DSCAM: variants seen among roughly 807,000 people sequenced by gnomAD.
DSCAM encodes cell adhesion molecule DSCAM.
DSCAM carries 47 observed loss-of-function variants against 217.7 expected under a neutral mutation model. The observed-to-expected ratio is 0.22, with a 90% CI of 0.17 to 0.28. The LOEUF (loss-of-function observed/expected upper bound fraction) is 0.28, where lower values mean the gene tolerates loss of function less well. DSCAM is among the 10% of genes least tolerant of loss of function. The pLI, the probability that DSCAM is intolerant of heterozygous loss-of-function variation, is 1.00. For missense variants in DSCAM, 2,080 were observed against 2,618.3 expected, an observed-to-expected ratio of 0.79 and a Z score of 4.49; for synonymous variants, 1,056 against 1,015.3, an observed-to-expected ratio of 1.04 and a Z score of -0.76.
At chr21:40,354,948 G>T (rs1339638502) in intron 4 of DSCAM, among the ~76,000 whole-genome samples, 1 of 149,826 alleles carries the variant, frequency 6.7e-6, no homozygotes, top group African/African-American at 2.5e-5. Flanking sequence ...CATAGCTTTT[G>T]AATTTTAAAA....
intron 3 of DSCAM, among the ~76,000 whole-genome samples, chr21:40,507,316 G>A (rs532752306): frequency 8.6e-5 from 13 of 151,884 alleles, no homozygotes; most frequent in African/African-American, 2.9e-4. Context: ...AAAAACAGCC[G>A]CAACTATTCA....
At chr21:40,292,298 T>C (rs569708515) in intron 10 of DSCAM, among the ~76,000 whole-genome samples, 3 of 151,376 alleles carry the variant, frequency 2.0e-5, no homozygotes, top group African/African-American at 4.9e-5. Context: ...AACTGTTGCA[T>C]CTCTCAAGGA....
chr21:40,763,157 C>G (rs770861889), intron 1 of DSCAM, among the ~76,000 whole-genome samples: 4 of 152,190 alleles, frequency 2.6e-5, no homozygotes, highest in Non-Finnish European at 5.9e-5. Context: ...CAGATTGTCT[C>G]TGTGTGCAGA....
intron 3 of DSCAM, among the ~76,000 whole-genome samples, chr21:40,624,264 C>G (rs1292812366): frequency 1.3e-5 from 2 of 152,116 alleles, no homozygotes; most frequent in African/African-American, 4.8e-5. Context: ...TAAAACATAA[C>G]TGACTCTCAA....
At chr21:40,234,827 T>C (rs1302251897) in intron 11 of DSCAM, among the ~76,000 whole-genome samples, 2 of 152,132 alleles carry the variant, frequency 1.3e-5, no homozygotes, top group Non-Finnish European at 2.9e-5. Context: ...AAAAATATAA[T>C]GTGAGTAAAA....
intron 1 of DSCAM, among the ~76,000 whole-genome samples, chr21:40,717,657 G>C (rs1332084406): frequency 6.6e-6 from 1 of 152,232 alleles, no homozygotes; most frequent in Non-Finnish European, 1.5e-5. Flanking sequence ...TTATGGTTAG[G>C]ACTGGGTAAC....
chr21:40,109,763 A>G (rs1022652633), intron 20 of DSCAM, among the ~76,000 whole-genome samples: 6 of 152,188 alleles, frequency 3.9e-5, no homozygotes, highest in Non-Finnish European at 2.9e-5. Flanking sequence ...GCACACCAGG[A>G]GATTATATCC....
intron 20 of DSCAM, 81 bp downstream of exon 20, chr21:40,124,113 AG>A: frequency 6.4e-7 from 1 of 1,574,318 alleles, no homozygotes; most frequent in South Asian, 1.1e-5. Context: ...TGGGAAACAA[AG>A]GAACGAAACT....
At chr21:40,039,349 G>A (rs1244867970) in intron 32 of DSCAM, among the ~76,000 whole-genome samples, 1 of 150,178 alleles carries the variant, frequency 6.7e-6, no homozygotes, top group Admixed American at 6.7e-5. Context: ...TTTGATTAAA[G>A]CTACTGAAAG....
chr21:40,833,448 C>A (rs776778682), intron 1 of DSCAM, among the ~76,000 whole-genome samples: 2 of 152,118 alleles, frequency 1.3e-5, no homozygotes, highest in South Asian at 2.1e-4. Flanking sequence ...GGCAACCAGG[C>A]GAGAGAAAAT....
chr21:40,018,324 T>G (rs927715350), intron 32 of DSCAM, among the ~76,000 whole-genome samples: 1 of 152,086 alleles, frequency 6.6e-6, no homozygotes, highest in Non-Finnish European at 1.5e-5. Context: ...ATAAACAAAT[T>G]GTTAATTTTA....
intron 3 of DSCAM, among the ~76,000 whole-genome samples, chr21:40,571,193 G>GA (rs530242923): frequency 4.7e-5 from 7 of 150,410 alleles, no homozygotes; most frequent in Non-Finnish European, 1.0e-4. Flanking sequence ...CCTCACAATG[G>GA]AAAAAAAATT....
intron 3 of DSCAM, among the ~76,000 whole-genome samples, chr21:40,632,887 C>T (rs2089711222): frequency 1.3e-5 from 2 of 152,318 alleles, no homozygotes; most frequent in South Asian, 2.1e-4. Flanking sequence ...CACTATGACA[C>T]CACCGATACT....
chr21:40,692,042 C>T (rs193275070), intron 3 of DSCAM, among the ~76,000 whole-genome samples: 1 of 152,360 alleles, frequency 6.6e-6, no homozygotes, highest in East Asian at 1.9e-4. Context: ...AAAAAGGCAA[C>T]TATTTATAAT....
In DSCAM at chr21:40,534,620, GA is replaced by G. The variant is rs377458952; in HGVS notation, c.508+158189del. Among the ~76,000 whole-genome samples the G allele has an allele frequency of 2.4e-3, 367 of 152,172 alleles. 3 individuals are homozygous for G. Among genetic ancestry groups the G allele is most frequent in the African/African-American group, 8.4e-3 (350 of 41,518 alleles). On this transcript the variant is annotated intron_variant, in intron 3 of 32. Coordinates refer to ENST00000400454, the MANE Select transcript of DSCAM (RefSeq NM_001389.5). ...TTTATCACCAAGTGTTCATTTTTAT[GA>G]ACATATTTCTTGAGCTCTGCCTTGA...
chr21:40,449,096 CT>C (rs1177007617), intron 3 of DSCAM, among the ~76,000 whole-genome samples: 1 of 152,156 alleles, frequency 6.6e-6, no homozygotes, highest in African/African-American at 2.4e-5. Context: ...GCACCATAGA[CT>C]CTCTCCGGCC....
chr21:40,332,162 C>T (rs2123563984), intron 8 of DSCAM, among the ~76,000 whole-genome samples: 1 of 152,300 alleles, frequency 6.6e-6, no homozygotes, highest in African/African-American at 2.4e-5. Context: ...AAATTAGTCC[C>T]TCAATATCTT....
intron 11 of DSCAM, among the ~76,000 whole-genome samples, chr21:40,251,461 T>C (rs2073303700): frequency 1.3e-5 from 2 of 152,352 alleles, no homozygotes; most frequent in Non-Finnish European, 2.9e-5. Flanking sequence ...ATCAGACCTG[T>C]TGAGGTAACA....
chr21:40,247,366 C>T (rs906756231), intron 11 of DSCAM, among the ~76,000 whole-genome samples: 8 of 152,166 alleles, frequency 5.3e-5, no homozygotes, highest in Non-Finnish European at 7.3e-5. Flanking sequence ...AAGGCAAGTC[C>T]CTTCTGCCTA....
Sources: gnomAD v4.1 joint callset for allele counts (sites outside exome capture counted in the v4.1 genomes callset) on GRCh38, gnomAD v4.1.1 for gene constraint, MANE v1.5 for transcripts, NCBI Gene and HGNC (gene_info 2026-07-23, HGNC 2026-07-21) for gene names.